KIF26A: variants seen among roughly 807,000 people sequenced by gnomAD.
The protein encoded by KIF26A is kinesin family member 26A.
Under a neutral mutation model 126.0 loss-of-function variants are expected in KIF26A, and 74 were observed. The ratio of observed to expected loss-of-function variants is 0.59; its 90% confidence interval spans 0.49 to 0.71. KIF26A has a LOEUF of 0.71. Ranked by LOEUF, KIF26A falls within the 30% of genes least tolerant of loss-of-function variation. KIF26A has a pLI of 0.00. For synonymous variants in KIF26A, 1,445 were observed against 1,232.7 expected, an observed-to-expected ratio of 1.17 and a Z score of -3.61; for missense variants, 2,984 against 2,763.3, an observed-to-expected ratio of 1.08 and a Z score of -1.79.
rs376060067 is a variant in KIF26A at position 104,173,724 on chromosome 14, G to A, written c.1886G>A (p.Arg629His). ...GTTCCAGTGTCCGGAGGCCGCAGCC[G>A]CCTGCACCTCATCGACCTGGGCAGC... ...GRGGMSGGRSRLHLIDLGSCE... is the reference protein window; with the variant it reads ...GRGGMSGGRSHLHLIDLGSCE... The change falls in exon 10 of 15, where the codon CGC (arginine) becomes CAC (histidine). Residue 629 changes from arginine to histidine, a missense_variant. Physicochemically the swap from Arg to His is conservative, Grantham distance 29. Transcript: ENST00000423312. 60 of 1,611,070 alleles carry A rather than the reference G, an allele frequency of 3.7e-5. No homozygotes were observed. Among genetic ancestry groups the A allele is most frequent in the Non-Finnish European group, 4.4e-5 (52 of 1,179,526 alleles).
chr14:104,172,434 G>A (rs1489619026), intron 6 of KIF26A, 141 bp from the exon 7 acceptor site: 2 of 615,704 alleles, frequency 3.2e-6, no homozygotes, highest in Non-Finnish European at 5.8e-6. Context: ...GTGCACATGG[G>A]ATCTGTCCTT....
At chr14:104,145,803 C>T (rs1475080785) in intron 2 of KIF26A, among the ~76,000 whole-genome samples, 1 of 152,222 alleles carries the variant, frequency 6.6e-6, no homozygotes, top group Non-Finnish European at 1.5e-5. Flanking sequence ...CTTGACCTAG[C>T]CTGTGGGGGC....
intron 2 of KIF26A, among the ~76,000 whole-genome samples, chr14:104,144,944 G>A (rs1471967217): frequency 6.6e-6 from 1 of 152,216 alleles, no homozygotes; most frequent in East Asian, 1.9e-4. Flanking sequence ...TGTCAGCTGG[G>A]CTTTCCCTGG....
chr14:104,162,480 AGCCTGGTTTTG>A lies in KIF26A; in HGVS notation c.924-4374_924-4364del, dbSNP rs1365520927. Among the ~76,000 whole-genome samples, 5 of 152,316 alleles carry A rather than the reference AGCCTGGTTTTG, an allele frequency of 3.3e-5. No homozygotes were observed. The East Asian group carries it at 9.7e-4, about 29-fold the overall frequency. On this transcript the variant is annotated intron_variant, in intron 4 of 14. Coordinates refer to ENST00000423312, the MANE Select transcript of KIF26A (RefSeq NM_015656.2). ...TGTGTGGCCGACGGGGCAAAGGGCC[AGCCTGGTTTTG>A]GCCTCTGCAGACCTAAGGCTCCAGC...
At chr14:104,143,610 C>T (rs1366010969) in intron 2 of KIF26A, among the ~76,000 whole-genome samples, 1 of 152,190 alleles carries the variant, frequency 6.6e-6, no homozygotes, top group Non-Finnish European at 1.5e-5. Context: ...GTCTGTTGCC[C>T]CCAAATAGGC....
chr14:104,163,020 G>GT (rs141604943), intron 4 of KIF26A, among the ~76,000 whole-genome samples: 1 of 152,354 alleles, frequency 6.6e-6, no homozygotes, highest in Non-Finnish European at 1.5e-5. Context: ...AGATGCGGAT[G>GT]TTTTCCAAAG....
chr14:104,176,509 G>T lies in KIF26A; in HGVS notation c.3721G>T (p.Asp1241Tyr). The T allele has an allele frequency of 1.2e-6, 2 of 1,605,362 alleles. No individual in the cohort carries two copies. The change falls in exon 12 of 15, where the codon GAC (aspartate) becomes TAC (tyrosine). Residue 1241 changes from aspartate to tyrosine, a missense_variant. Physicochemically the swap from Asp to Tyr is radical, Grantham distance 160. Transcript: ENST00000423312. ...SPPGRGGLFE[D>Y]PWLLRVGECD... ...ACCTGGCCGTGGAGGCCTGTTTGAG[G>T]ACCCATGGCTGCTCCGGGTAGGGGA...
At chr14:104,168,889 G>A (rs544489890) in intron 5 of KIF26A, among the ~76,000 whole-genome samples, 1 of 152,058 alleles carries the variant, frequency 6.6e-6, no homozygotes, top group Admixed American at 6.5e-5. Flanking sequence ...AGAGTTGGGG[G>A]ACTAGGCCGG....
chr14:104,165,377 T>C (rs1566860747), intron 4 of KIF26A, among the ~76,000 whole-genome samples: 1 of 128,776 alleles, frequency 7.8e-6, no homozygotes, highest in Non-Finnish European at 1.6e-5. Flanking sequence ...CCTGTGTGCA[T>C]GTGTCTCTGT....
At chr14:104,157,729 T>G (rs759742715) in intron 3 of KIF26A, 26 bp from the exon 4 acceptor site, 19 of 1,605,242 alleles carry the variant, frequency 1.2e-5, no homozygotes, top group Middle Eastern at 1.7e-4. Flanking sequence ...TTGCGTTCCT[T>G]ATACGCACTC....
intron 4 of KIF26A, among the ~76,000 whole-genome samples, chr14:104,161,131 G>A (rs1182787646): frequency 1.3e-5 from 2 of 152,170 alleles, no homozygotes; most frequent in African/African-American, 2.4e-5. Flanking sequence ...CACAGGAAGT[G>A]TGGACCACAG....
Position 104,177,783 on chromosome 14 carries a change from C to T in KIF26A, c.4995C>T (p.Arg1665=), listed in dbSNP as rs370538338. The change falls in exon 12 of 15, where the codon CGC becomes CGT. Residue 1665 remains arginine (R), a synonymous_variant. Coordinates refer to ENST00000423312, the MANE Select transcript of KIF26A (RefSeq NM_015656.2). ...GCAGTGGCTATGAGAGCCTGCGGCG[C>T]GACAGCGAGGCCACCGGCAGCGCCT... ...GGSSGYESLR[R]DSEATGSASS... 1.1e-4 allele frequency: 177 copies of T among 1,551,986 alleles called. No individual in the cohort carries two copies. Among genetic ancestry groups the T allele is most frequent in the Middle Eastern group, 5.1e-4 (3 of 5,854 alleles).
chr14:104,175,424 C>T lies in KIF26A; in HGVS notation c.2636C>T (p.Ser879Leu), dbSNP rs369178774. The T allele has an allele frequency of 5.8e-5, 93 of 1,592,828 alleles. No homozygotes were observed. Among genetic ancestry groups the T allele is most frequent in the Non-Finnish European group, 7.5e-5 (88 of 1,176,204 alleles). ...ASPARGGRKP[S>L]PPEAASPRKA... ...CCCGCCCGAGGGGGCCGGAAGCCCT[C>T]GCCACCAGAGGCTGCATCCCCCAGG... The change falls in exon 12 of 15, where the codon TCG becomes TTG. Residue 879 changes from serine (S) to leucine (L), a missense_variant. Transcript: ENST00000423312.
rs762233568 is a variant in KIF26A at position 104,152,190 on chromosome 14, C to T, written c.464C>T (p.Pro155Leu). The T allele has an allele frequency of 5.0e-6, 8 of 1,606,018 alleles. No individual in the cohort carries two copies. Among genetic ancestry groups the T allele is most frequent in the Non-Finnish European group, 5.9e-6 (7 of 1,177,696 alleles). The change falls in exon 3 of 15, where the codon CCC becomes CTC. Residue 155 changes from proline to leucine, a missense_variant. Pro to Leu is a moderately conservative substitution (Grantham distance 98). Transcript: ENST00000423312. The surrounding 1 kb of genome is among the most constrained non-coding windows in gnomAD (Gnocchi z 5.9). ...GCCAGCCATGAGGACCTTGACGCCC[C>T]CCATGGAGGCCCCAGCCTCGCACCC... ...APASHEDLDA[P>L]HGGPSLAPPS...
chr14:104,146,701 A>C (rs2037683316), intron 2 of KIF26A, among the ~76,000 whole-genome samples: 1 of 152,164 alleles, frequency 6.6e-6, no homozygotes, highest in South Asian at 2.1e-4. Context: ...CAGTCCCGGC[A>C]TCCGGACGGC....
intron 4 of KIF26A, among the ~76,000 whole-genome samples, chr14:104,165,051 CTGTG>C (rs1431273858): frequency 6.7e-6 from 1 of 150,290 alleles, no homozygotes; most frequent in Non-Finnish European, 1.5e-5. Context: ...GTATGTGTGT[CTGTG>C]TGTCTCTGTG....
In KIF26A at chr14:104,166,993, C is replaced by G; in HGVS notation, c.1058C>G (p.Pro353Arg). ...VLQLWPPPAPPCLLRAASKTK... is the reference protein window; with the variant it reads ...VLQLWPPPAPRCLLRAASKTK... ...CAGCTGTGGCCGCCCCCGGCGCCCC[C>G]CTGCCTGCTCAGGGCCGCCTCCAAG... The change falls in exon 5 of 15, where the codon CCC (proline) becomes CGC (arginine). Residue 353 changes from proline (P) to arginine (R), a missense_variant. Coordinates refer to ENST00000423312, the MANE Select transcript of KIF26A (RefSeq NM_015656.2). 1 of 1,583,528 alleles carries G rather than the reference C, an allele frequency of 6.3e-7. No individual in the cohort carries two copies. The highest frequency in any genetic ancestry group is 8.6e-7 in the Non-Finnish European group (1 of 1,165,928).
At chr14:104,168,662 G>GT (rs1489773939) in intron 5 of KIF26A, among the ~76,000 whole-genome samples, 1 of 152,240 alleles carries the variant, frequency 6.6e-6, no homozygotes, top group Non-Finnish European at 1.5e-5. Context: ...AGTTGCCAGG[G>GT]TTTGAATGGA....
intron 5 of KIF26A, among the ~76,000 whole-genome samples, chr14:104,170,340 C>T (rs2037945037): frequency 6.6e-6 from 1 of 152,238 alleles, no homozygotes; most frequent in South Asian, 2.1e-4. Context: ...AGCCCAGGTT[C>T]TGAGTAGTAC....
Sources: gnomAD v4.1 joint callset for allele counts (sites outside exome capture counted in the v4.1 genomes callset) on GRCh38, gnomAD v4.1.1 for gene constraint, Gnocchi (gnomAD v3.1) non-coding constraint, MANE v1.5 for transcripts, NCBI Gene and HGNC (gene_info 2026-07-23, HGNC 2026-07-21) for gene names.